The following KIDINS220 variants were observed in gnomAD, a reference collection of about 807,000 sequenced individuals.
KIDINS220 encodes the protein kinase D interacting substrate 220, also known as kinase D-interacting substrate of 220 kDa.
KIDINS220 carries 63 observed loss-of-function variants against 157.6 expected under a neutral mutation model. That is an observed-to-expected ratio of 0.40 (90% CI 0.33 to 0.49). The LOEUF (loss-of-function observed/expected upper bound fraction) is 0.49, where lower values mean the gene tolerates loss of function less well. KIDINS220 is among the 20% of genes least tolerant of loss of function. The probability of loss-of-function intolerance (pLI) is 0.66; values close to 1 mark genes in which losing one functional copy is unlikely to be tolerated. For missense variants in KIDINS220, 1,772 were observed against 2,171.2 expected (o/e 0.82, Z 3.65); for synonymous variants, 732 against 783.6 (o/e 0.93, Z 1.10).
Position 8,729,536 on chromosome 2 carries a change from G to A in KIDINS220, c.*1184C>T, listed in dbSNP as rs1166757182. ...TTCAATGTGACCATTCTCTTAACTC[G>A]GCTAATAATTAATGGAAAGTACACT... On this transcript the variant is annotated 3_prime_UTR_variant, in exon 30 of 30. Coordinates refer to ENST00000256707, the MANE Select transcript of KIDINS220 (RefSeq NM_020738.4). 8 of 981,292 alleles carry A rather than the reference G, an allele frequency of 8.2e-6. No homozygotes were observed. The highest frequency in any genetic ancestry group is 1.1e-4 in the East Asian group (1 of 8,800). The allele number at this position is 981,292 out of a possible 1,614,324, so 60.8% of individuals were successfully genotyped here.
chr2:8,792,551 T>G (rs1673342684), intron 12 of KIDINS220, among the ~76,000 whole-genome samples: 1 of 152,256 alleles, frequency 6.6e-6, no homozygotes, highest in African/African-American at 2.4e-5. Context: ...TCAATTTCAC[T>G]AATAATTTTA....
intron 17 of KIDINS220, among the ~76,000 whole-genome samples, chr2:8,785,358 G>C (rs1225860217): frequency 6.6e-6 from 1 of 152,156 alleles, no homozygotes; most frequent in African/African-American, 2.4e-5. Flanking sequence ...TTATACATTT[G>C]TCCAAGCCCA....
chr2:8,764,703 C>T (rs181541647), intron 22 of KIDINS220, among the ~76,000 whole-genome samples: 59 of 152,276 alleles, frequency 3.9e-4, no homozygotes, highest in Admixed American at 2.2e-3. Flanking sequence ...TCTGGATGGA[C>T]GGTATTCTCT....
At position 8,788,898 on chromosome 2, in the gene KIDINS220, G is replaced by A. The variant is rs1020638346; in HGVS notation, c.1622-86C>T. Reference sequence around the variant, plus strand: ...CCAAAGATCAAGTATCAAGTAATGAGAGCTAAGCTTACATAGCTTCCTATG... The same window carrying A: ...CCAAAGATCAAGTATCAAGTAATGAAAGCTAAGCTTACATAGCTTCCTATG... On this transcript the variant is annotated intron_variant, in intron 14 of 29. Transcript: ENST00000256707. 8.2e-6 allele frequency: 10 copies of A among 1,222,974 alleles called. No individual in the cohort carries two copies. In the South Asian group the frequency reaches 1.3e-4, roughly 15 times the overall value. The allele number at this position is 1,222,974 out of a possible 1,614,324, so 75.8% of individuals were successfully genotyped here.
chr2:8,767,917 A>G lies in KIDINS220; in HGVS notation c.3011+2753T>C, dbSNP rs116474986. 1.8e-3 allele frequency among the ~76,000 whole-genome samples: 272 copies of G among 152,340 alleles called. 2 individuals are homozygous for G. Among genetic ancestry groups the G allele is most frequent in the Middle Eastern group, 6.8e-3 (2 of 294 alleles). ...AAATGGAAAATGGCTACTATTCTGAAGCACCCTTAGAACTTATTCAACTGT... is the reference window on the plus strand; with the variant it reads ...AAATGGAAAATGGCTACTATTCTGAGGCACCCTTAGAACTTATTCAACTGT... On this transcript the variant is annotated intron_variant, in intron 22 of 29. Transcript: ENST00000256707.
At position 8,806,273 on chromosome 2, in the gene KIDINS220, C is replaced by T; in HGVS notation, c.601G>A (p.Ala201Thr). The part of the protein sequence containing the change: ...AMGADVDQEG[A>T]NSMTALIVAV... ...GCATTAAAATATAAGATACTTACAGCTCCTTCTTGATCCACATCAGCTCCC... is the reference window on the plus strand; with the variant it reads ...GCATTAAAATATAAGATACTTACAGTTCCTTCTTGATCCACATCAGCTCCC... The change falls in exon 7 of 30, where the codon GCT becomes ACT. Residue 201 changes from alanine (A) to threonine (T), a missense_variant and splice_region_variant. Coordinates refer to ENST00000256707, the MANE Select transcript of KIDINS220 (RefSeq NM_020738.4). 1.3e-6 allele frequency: 2 copies of T among 1,592,224 alleles called. No homozygotes were observed. The highest frequency in any genetic ancestry group is 1.7e-6 in the Non-Finnish European group (2 of 1,168,038).
At chr2:8,766,137 C>T (rs753406498) in intron 22 of KIDINS220, among the ~76,000 whole-genome samples, 3 of 152,136 alleles carry the variant, frequency 2.0e-5, no homozygotes, top group Non-Finnish European at 4.4e-5. Context: ...AAAGTCCTTA[C>T]CATGGTCCTC....
intron 27 of KIDINS220, 52 bp from the exon 28 acceptor site, chr2:8,734,805 C>A: frequency 7.6e-7 from 1 of 1,311,308 alleles, no homozygotes; most frequent in Non-Finnish European, 1.1e-6. Context: ...GTGAAATATT[C>A]TGAATTACTA....
chr2:8,798,210 A>G lies in KIDINS220; in HGVS notation c.991T>C (p.Cys331Arg), dbSNP rs1429495941. 7 of 1,595,062 alleles carry G rather than the reference A, an allele frequency of 4.4e-6. No individual in the cohort carries two copies. The highest frequency in any genetic ancestry group is 6.0e-6 in the Non-Finnish European group (7 of 1,163,000). Residue 331 changes from cysteine to arginine, a missense_variant, in exon 10 of 30, where the codon TGC becomes CGC. Around this residue, in one of 3 missense-constraint regions of KIDINS220, gnomAD observed 725 missense variants for 1,017.1 expected, o/e 0.71. Coordinates refer to ENST00000256707, the MANE Select transcript of KIDINS220 (RefSeq NM_020738.4). ...ILQCNPDTEI[C>R]TKDGETPLIK... is the part of the protein sequence containing the mutation. Reference sequence around the variant, plus strand: ...AGAAATGCCATTTATACCTTTGTGCATATTTCAGTGTCAGGATTGCACTGT... The same window carrying G: ...AGAAATGCCATTTATACCTTTGTGCGTATTTCAGTGTCAGGATTGCACTGT...
At chr2:8,735,950 A>G (rs1170829741) in intron 27 of KIDINS220, among the ~76,000 whole-genome samples, 1 of 152,214 alleles carries the variant, frequency 6.6e-6, no homozygotes, top group Non-Finnish European at 1.5e-5. Flanking sequence ...CTCTTTCCTG[A>G]CACCAACCAG....
At position 8,816,744 on chromosome 2, in the gene KIDINS220, C is replaced by G. The variant is rs150379126; in HGVS notation, c.306+874G>C. Among the ~76,000 whole-genome samples, 1,247 of 152,298 alleles carry G rather than the reference C, an allele frequency of 8.2e-3. 14 individuals carry two copies. Among genetic ancestry groups the G allele is most frequent in the African/African-American group, 0.028 (1,158 of 41,556 alleles). ...GTTACTGACATCATTATCTTCTCTC[C>G]CTAAACTTTCACTGCAACGTACTTA... On this transcript the variant is annotated intron_variant, in intron 4 of 29. Coordinates refer to ENST00000256707, the MANE Select transcript of KIDINS220 (RefSeq NM_020738.4).
intron 17 of KIDINS220, among the ~76,000 whole-genome samples, chr2:8,781,123 G>A (rs987805551): frequency 5.6e-5 from 6 of 107,234 alleles, no homozygotes; most frequent in Non-Finnish European, 9.4e-5. Context: ...AAGAGAGGGG[G>A]AGTAACTATA....
At chr2:8,776,081 T>C (rs888775817) in intron 21 of KIDINS220, among the ~76,000 whole-genome samples, 1 of 152,190 alleles carries the variant, frequency 6.6e-6, no homozygotes, top group African/African-American at 2.4e-5. Context: ...GGAACTTAAG[T>C]ACCAAAAATA....
chr2:8,833,706 T>C (rs1007772322), intron 1 of KIDINS220, among the ~76,000 whole-genome samples: 17 of 152,318 alleles, frequency 1.1e-4, no homozygotes, highest in East Asian at 3.9e-4. Context: ...TTCTCTCTAA[T>C]GGGAATATAA....
In KIDINS220 at chr2:8,778,906, T is replaced by C. The variant is rs201853476; in HGVS notation, c.2604A>G (p.Ser868=). Residue 868 remains serine, a synonymous_variant, in exon 19 of 30, where the codon TCA becomes TCG. Coordinates refer to ENST00000256707, the MANE Select transcript of KIDINS220 (RefSeq NM_020738.4). The part of the protein sequence containing the change: ...TSATNGDVPC[S]DTTGIQEDAD... ...GAGCCTGAGCTTTACCTGTAGTATC[T>C]GAGCATGGAACGTCTCCATTTGTTG... 115 of 1,614,166 alleles carry C rather than the reference T, an allele frequency of 7.1e-5. No homozygotes were observed. The highest frequency in any genetic ancestry group is 1.3e-4 in the Admixed American group (8 of 60,014).
chr2:8,757,540 C>G, intron 22 of KIDINS220: 1 of 1,461,714 alleles, frequency 6.8e-7, no homozygotes, highest in South Asian at 1.4e-5. Flanking sequence ...TTTCAACTAC[C>G]CATTCCGTTG....
At chr2:8,757,007 C>T in intron 22 of KIDINS220, among the ~76,000 whole-genome samples, 1 of 152,080 alleles carries the variant, frequency 6.6e-6, no homozygotes, top group Non-Finnish European at 1.5e-5. Flanking sequence ...CATCCAAAAG[C>T]TTTTAAACAA....
intron 12 of KIDINS220, among the ~76,000 whole-genome samples, chr2:8,792,079 G>A (rs912578228): frequency 1.3e-5 from 2 of 152,052 alleles, no homozygotes; most frequent in African/African-American, 4.8e-5. Flanking sequence ...AAATTAAAAT[G>A]CTATATACCT....
intron 26 of KIDINS220, 53 bp from the exon 27 acceptor site, chr2:8,737,052 T>C (rs1664979877): frequency 6.4e-7 from 1 of 1,574,688 alleles, no homozygotes; most frequent in Non-Finnish European, 8.7e-7. Context: ...ATGCCATCTA[T>C]AATGAGGTCA....
Sources: allele counts gnomAD v4.1 joint callset (sites outside exome capture counted in the v4.1 genomes callset), GRCh38; gene constraint gnomAD v4.1.1; regional missense constraint gnomAD v4.1.1; transcripts MANE v1.5; gene names NCBI Gene and HGNC (gene_info 2026-07-23, HGNC 2026-07-21).